Variants in DENND1A observed in about 807,000 individuals in gnomAD.
DENND1A encodes the protein DENN domain containing 1A.
DENND1A carries 51 observed loss-of-function variants against 113.7 expected under a neutral mutation model. The observed-to-expected ratio is 0.45, with a 90% CI of 0.36 to 0.57. The LOEUF (loss-of-function observed/expected upper bound fraction) is 0.57, where lower values mean the gene tolerates loss of function less well. Among genes scored for constraint, DENND1A ranks in the 20% least tolerant of loss-of-function variants. The pLI is 0.00. For missense variants in DENND1A, 1,258 were observed against 1,395.9 expected (o/e 0.90, Z 1.57); for synonymous variants, 565 against 570.8 (o/e 0.99, Z 0.14).
intron 19 of DENND1A, among the ~76,000 whole-genome samples, chr9:123,415,022 G>A (rs192907314): frequency 3.8e-4 from 58 of 152,220 alleles, no homozygotes; most frequent in Admixed American, 1.8e-3. Context: ...GCTTGTCCTC[G>A]GGAAGTGCTG....
intron 1 of DENND1A, among the ~76,000 whole-genome samples, chr9:123,913,295 C>T (rs1261363171): frequency 1.3e-5 from 2 of 151,990 alleles, no homozygotes; most frequent in Non-Finnish European, 2.9e-5. Context: ...GGGCTATCTC[C>T]TATAAGAACC....
At chr9:123,709,970 G>C (rs2066474492) in intron 5 of DENND1A, among the ~76,000 whole-genome samples, 1 of 152,170 alleles carries the variant, frequency 6.6e-6, no homozygotes, top group Non-Finnish European at 1.5e-5. Context: ...TATCACTAGA[G>C]ATAAAGAATC....
At chr9:123,414,794 C>T (rs1336048979) in intron 19 of DENND1A, among the ~76,000 whole-genome samples, 3 of 152,204 alleles carry the variant, frequency 2.0e-5, no homozygotes, top group African/African-American at 7.2e-5. Context: ...CCGCCATCCA[C>T]CTCCGCAATC....
At chr9:123,493,707 C>T (rs2051593525) in intron 13 of DENND1A, among the ~76,000 whole-genome samples, 2 of 152,080 alleles carry the variant, frequency 1.3e-5, no homozygotes, top group African/African-American at 2.4e-5. Context: ...GACACTTTGC[C>T]CCTAGTGGTA....
intron 4 of DENND1A, among the ~76,000 whole-genome samples, chr9:123,767,657 T>C (rs1017445758): frequency 6.6e-6 from 1 of 152,158 alleles, no homozygotes; most frequent in African/African-American, 2.4e-5. Flanking sequence ...TGTGTGTATG[T>C]GTGTATGCAC....
At chr9:123,820,586 C>T (rs755735683) in intron 2 of DENND1A, among the ~76,000 whole-genome samples, 1 of 152,184 alleles carries the variant, frequency 6.6e-6, no homozygotes, top group Non-Finnish European at 1.5e-5. Context: ...CCCAAGGTAG[C>T]CCAGCCAATC....
At chr9:123,627,971 A>G (rs1302304081) in intron 10 of DENND1A, among the ~76,000 whole-genome samples, 1 of 152,034 alleles carries the variant, frequency 6.6e-6, no homozygotes, top group African/African-American at 2.4e-5. Flanking sequence ...AGTTTAAAGA[A>G]CAGGTTGCAG....
chr9:123,610,056 T>C (rs1349070358), intron 10 of DENND1A, among the ~76,000 whole-genome samples: 1 of 152,192 alleles, frequency 6.6e-6, no homozygotes, highest in Non-Finnish European at 1.5e-5. Flanking sequence ...GTTGCACACA[T>C]GCCATCCCAT....
chr9:123,742,408 C>T (rs561973808), intron 5 of DENND1A, among the ~76,000 whole-genome samples: 4 of 152,300 alleles, frequency 2.6e-5, no homozygotes, highest in East Asian at 3.9e-4. Context: ...TTATTCCCAG[C>T]AGACCCTGTT....
At chr9:123,511,238 G>A (rs537226924) in intron 13 of DENND1A, among the ~76,000 whole-genome samples, 9 of 152,158 alleles carry the variant, frequency 5.9e-5, no homozygotes, top group Non-Finnish European at 7.4e-5. Context: ...TGAGGCCTTC[G>A]AACTTGGGCT....
intron 11 of DENND1A, among the ~76,000 whole-genome samples, chr9:123,592,179 C>A (rs749090121): frequency 1.3e-5 from 2 of 152,162 alleles, no homozygotes; most frequent in Admixed American, 6.5e-5. Flanking sequence ...TCTATCCTTG[C>A]AATTTGCAAG....
At chr9:123,623,689 C>T (rs992300224) in intron 10 of DENND1A, among the ~76,000 whole-genome samples, 7 of 152,168 alleles carry the variant, frequency 4.6e-5, no homozygotes, top group South Asian at 4.1e-4. Flanking sequence ...TTTGTGAATG[C>T]GCAATTGGTC....
At chr9:123,803,563 G>T (rs558769647) in intron 2 of DENND1A, among the ~76,000 whole-genome samples, 1 of 152,036 alleles carries the variant, frequency 6.6e-6, no homozygotes, top group Non-Finnish European at 1.5e-5. Flanking sequence ...CTCTGCCTTC[G>T]TCTTATTACG....
At chr9:123,870,721 C>A (rs921687727) in intron 2 of DENND1A, among the ~76,000 whole-genome samples, 6 of 152,084 alleles carry the variant, frequency 3.9e-5, no homozygotes, top group African/African-American at 1.4e-4. Context: ...AGGTGTGAAC[C>A]ACCGTGGCTG....
intron 18 of DENND1A, among the ~76,000 whole-genome samples, chr9:123,443,735 A>T (rs1395392259): frequency 1.3e-5 from 2 of 152,250 alleles, no homozygotes; most frequent in Admixed American, 6.5e-5. Context: ...TGGAAGGATC[A>T]CTTGAGCCCA....
At chr9:123,806,866 C>A (rs1232898631) in intron 2 of DENND1A, among the ~76,000 whole-genome samples, 1 of 152,158 alleles carries the variant, frequency 6.6e-6, no homozygotes, top group Non-Finnish European at 1.5e-5. Flanking sequence ...CCTCTTTTGG[C>A]AACATGTACC....
At chr9:123,384,389 G>A (rs2042449017) in intron 22 of DENND1A, among the ~76,000 whole-genome samples, 1 of 152,234 alleles carries the variant, frequency 6.6e-6, no homozygotes, top group Non-Finnish European at 1.5e-5. Context: ...AGCTCTCCAG[G>A]GGAGCTGTCT....
intron 5 of DENND1A, among the ~76,000 whole-genome samples, chr9:123,729,602 A>G (rs1564152530): frequency 2.0e-5 from 3 of 152,208 alleles, no homozygotes; most frequent in African/African-American, 7.2e-5. Context: ...GCTCAAGGAA[A>G]TAAGAGAGGA....
Position 123,737,649 on chromosome 9 carries a change from G to A in DENND1A, c.302+20054C>T, listed in dbSNP as rs908961052. 1.2e-4 allele frequency among the ~76,000 whole-genome samples: 19 copies of A among 152,084 alleles called. No homozygotes were observed. The South Asian group carries it at 1.7e-3, about 13-fold the overall frequency. On this transcript the variant is annotated intron_variant, in intron 5 of 23. Transcript: ENST00000394215. ...GTATTATGTGGCAAAAGTACTCCCC[G>A]CTCCTCCCATCCCCAAAATGAAATT...
Sources: allele counts gnomAD v4.1 joint callset (sites outside exome capture counted in the v4.1 genomes callset), GRCh38; gene constraint gnomAD v4.1.1; transcripts MANE v1.5; gene names NCBI Gene and HGNC (gene_info 2026-07-23, HGNC 2026-07-21).